CDH17: variants seen among roughly 807,000 people sequenced by gnomAD.
CDH17 encodes the protein cadherin 17.
CDH17 carries 67 observed loss-of-function variants against 86.3 expected under a neutral mutation model. The ratio of observed to expected loss-of-function variants is 0.78; its 90% confidence interval spans 0.64 to 0.95. The LOEUF is 0.95. CDH17 is among the 40% of genes least tolerant of loss of function. The pLI, the probability that CDH17 is intolerant of heterozygous loss-of-function variation, is 0.00. For missense variants in CDH17, 993 were observed against 1,017.6 expected, an observed-to-expected ratio of 0.98 and a Z score of 0.33; for synonymous variants, 367 against 366.4, an observed-to-expected ratio of 1.00 and a Z score of -0.02.
intron 1 of CDH17, among the ~76,000 whole-genome samples, chr8:94,200,796 C>A (rs1430744587): frequency 6.6e-6 from 1 of 151,538 alleles, no homozygotes; most frequent in African/African-American, 2.4e-5. Context: ...GCATCCAGCC[C>A]GGATAACGAC....
chr8:94,180,711 C>T (rs201656739), intron 3 of CDH17, among the ~76,000 whole-genome samples: 3 of 151,834 alleles, frequency 2.0e-5, no homozygotes, highest in Non-Finnish European at 2.9e-5. Flanking sequence ...CTGGCTAACA[C>T]GGTGAAACCC....
At chr8:94,132,284 A>G (rs1812436119) in intron 15 of CDH17, among the ~76,000 whole-genome samples, 5 of 151,776 alleles carry the variant, frequency 3.3e-5, no homozygotes, top group Admixed American at 3.3e-4. Context: ...ACTAATTTAC[A>G]CTCCCACCAA....
chr8:94,128,833 G>C (rs1812353257), intron 17 of CDH17, among the ~76,000 whole-genome samples: 1 of 152,004 alleles, frequency 6.6e-6, no homozygotes, highest in Admixed American at 6.6e-5. Flanking sequence ...GCATTTCCTT[G>C]GGCGCCTTCC....
intron 10 of CDH17, among the ~76,000 whole-genome samples, chr8:94,164,747 T>A (rs942119922): frequency 2.6e-5 from 4 of 152,188 alleles, no homozygotes; most frequent in Non-Finnish European, 5.9e-5. Context: ...AATCGAAGAT[T>A]AGTACGCATT....
chr8:94,130,715 C>T lies in CDH17; in HGVS notation c.2309G>A (p.Gly770Glu). The change falls in exon 17 of 18, where the codon GGA becomes GAA. Residue 770 changes from glycine (G) to glutamate (E), a missense_variant. Physicochemically the swap from Gly to Glu is moderately conservative, Grantham distance 98. Coordinates refer to ENST00000027335, the MANE Select transcript of CDH17 (RefSeq NM_004063.4). ...LPVTFCSCVE[G>E]SCFRPAGHQT... ...GTGACCTGCTGGCCGGAAACAACTT[C>T]CTTCCACACAACTGCAGAATGTAAC... 1 of 1,613,988 alleles carries T rather than the reference C, an allele frequency of 6.2e-7. No individual in the cohort carries two copies. Among genetic ancestry groups the T allele is most frequent in the Non-Finnish European group, 8.5e-7 (1 of 1,179,902 alleles).
intron 15 of CDH17, 70 bp downstream of exon 15, chr8:94,145,858 C>G: frequency 6.6e-7 from 1 of 1,513,194 alleles, no homozygotes; most frequent in South Asian, 1.3e-5. Context: ...TACAGCAAAC[C>G]CACCAAGTTA....
In CDH17 at chr8:94,127,167, A is replaced by G. The variant is rs904199930; in HGVS notation, c.*1073T>C. The G allele has an allele frequency of 6.6e-6, 1 of 152,240 alleles. No individual in the cohort carries two copies. Among genetic ancestry groups the G allele is most frequent in the Non-Finnish European group, 1.5e-5 (1 of 68,046 alleles). The allele number at this position is 152,240 out of a possible 1,614,324, so 9.4% of individuals were successfully genotyped here. ...AAAAACAGAGGCAGAGCGGATCAAC[A>G]AACAAAACTGACTACAACCAGTGTT... On this transcript the variant is annotated 3_prime_UTR_variant, in exon 18 of 18. Transcript: ENST00000027335.
chr8:94,216,627 G>A (rs1429178162), intron 1 of CDH17, among the ~76,000 whole-genome samples: 2 of 149,512 alleles, frequency 1.3e-5, no homozygotes, highest in Non-Finnish European at 3.0e-5. Context: ...GAGAAACAAA[G>A]GGAATTGCCT....
At chr8:94,201,016 C>A (rs956414378) in intron 1 of CDH17, among the ~76,000 whole-genome samples, 2 of 152,158 alleles carry the variant, frequency 1.3e-5, no homozygotes, top group Non-Finnish European at 2.9e-5. Context: ...AATTTTCACT[C>A]CCTCTGAAAC....
chr8:94,209,148 CT>C (rs904991537), upstream of CDH17, among the ~76,000 whole-genome samples: 10 of 152,200 alleles, frequency 6.6e-5, no homozygotes, highest in South Asian at 1.0e-3. Flanking sequence ...AAACCAAGTC[CT>C]TTTTTCCCCC....
intron 15 of CDH17, among the ~76,000 whole-genome samples, chr8:94,140,693 G>T (rs187275630): frequency 6.6e-6 from 1 of 152,040 alleles, no homozygotes; most frequent in Non-Finnish European, 1.5e-5. Flanking sequence ...CAGGAAAAAA[G>T]ATAATTTGCC....
chr8:94,167,846 G>GA (rs1282503320), intron 9 of CDH17, among the ~76,000 whole-genome samples: 1 of 151,896 alleles, frequency 6.6e-6, no homozygotes, highest in Non-Finnish European at 1.5e-5. Flanking sequence ...GAAGTGAAAG[G>GA]AAAACCATGT....
At chr8:94,216,812 A>G (rs1387191091) in intron 1 of CDH17, among the ~76,000 whole-genome samples, 2 of 152,174 alleles carry the variant, frequency 1.3e-5, no homozygotes, top group East Asian at 3.9e-4. Context: ...CTCAGTACAA[A>G]TAAGTTTTTA....
intron 12 of CDH17, among the ~76,000 whole-genome samples, chr8:94,154,156 A>G (rs1812906923): frequency 6.6e-6 from 1 of 152,210 alleles, no homozygotes; most frequent in African/African-American, 2.4e-5. Context: ...TGTCAATTAT[A>G]AACAAGACAA....
At chr8:94,185,309 A>ACACACACC (rs1217035798) in intron 3 of CDH17, among the ~76,000 whole-genome samples, 2 of 144,762 alleles carry the variant, frequency 1.4e-5, no homozygotes, top group African/African-American at 5.1e-5. Context: ...ACACACACAC[A>ACACACACC]CACACCCCTG....
In CDH17 at chr8:94,165,837, C is replaced by T. The variant is rs748867333; in HGVS notation, c.1206G>A (p.Met402Ile). The change falls in exon 10 of 18, where the codon ATG (methionine) becomes ATA (isoleucine). Residue 402 changes from methionine to isoleucine, a missense_variant. Transcript: ENST00000027335. ...GLFLIQTYAG[M>I]LQLAKQSLKK... ...TCAAGGACTGTTTAGCTAACTGTAA[C>T]ATTCCAGCATAGGTTTGGATTAGGA... 1 of 1,613,932 alleles carries T rather than the reference C, an allele frequency of 6.2e-7. No homozygotes were observed. Among genetic ancestry groups the T allele is most frequent in the South Asian group, 1.1e-5 (1 of 91,070 alleles).
At chr8:94,211,991 TCA>T (rs924108319), upstream of CDH17, among the ~76,000 whole-genome samples, 135 of 152,336 alleles carry the variant, frequency 8.9e-4, 1 homozygote, top group Non-Finnish European at 1.0e-3. Context: ...AACCTAGAGT[TCA>T]CAGTTTTTGT....
chr8:94,139,123 A>G (rs1812587707), intron 15 of CDH17, among the ~76,000 whole-genome samples: 1 of 152,168 alleles, frequency 6.6e-6, no homozygotes, highest in African/African-American at 2.4e-5. Flanking sequence ...AAGCTACAAG[A>G]CTGAGAAGTG....
At chr8:94,210,442 C>T (rs371994574), upstream of CDH17, among the ~76,000 whole-genome samples, 90 of 152,154 alleles carry the variant, frequency 5.9e-4, 3 homozygotes, top group South Asian at 0.017. Flanking sequence ...TATTGCATTT[C>T]TGAATTACAG....
Sources: allele counts gnomAD v4.1 joint callset (sites outside exome capture counted in the v4.1 genomes callset), GRCh38; gene constraint gnomAD v4.1.1; transcripts MANE v1.5; gene names NCBI Gene and HGNC (gene_info 2026-07-23, HGNC 2026-07-21).